The following METTL22 variants were observed in gnomAD, a reference collection of about 807,000 sequenced individuals.
METTL22 encodes the protein methyltransferase-like protein 22.
METTL22 carries 51 observed loss-of-function variants against 48.4 expected under a neutral mutation model. That is an observed-to-expected ratio of 1.05 (90% CI 0.84 to 1.33). The LOEUF (loss-of-function observed/expected upper bound fraction) is 1.33. Among genes scored for constraint, METTL22 ranks in the 40% most tolerant of loss-of-function variants. The pLI, the probability that METTL22 is intolerant of heterozygous loss-of-function variation, is 0.00. For synonymous variants in METTL22, 255 were observed against 214.1 expected, an observed-to-expected ratio of 1.19 and a Z score of -1.67; for missense variants, 678 against 526.9, an observed-to-expected ratio of 1.29 and a Z score of -2.81.
At chr16:8,650,742 A>G (rs557740277), downstream of METTL22, among the ~76,000 whole-genome samples, 5 of 152,328 alleles carry the variant, frequency 3.3e-5, no homozygotes, top group South Asian at 1.0e-3. Flanking sequence ...AATAAATGAA[A>G]AAAAGCCAGA....
At chr16:8,652,071 C>G (rs2141837506), downstream of METTL22, among the ~76,000 whole-genome samples, 1 of 152,334 alleles carries the variant, frequency 6.6e-6, no homozygotes, top group East Asian at 1.9e-4. Flanking sequence ...CTGATCCCAG[C>G]TCCACTCCAC....
At chr16:8,640,891 T>TGGGTGGGTGGGTG (rs2056583897) in intron 6 of METTL22, among the ~76,000 whole-genome samples, 2 of 49,940 alleles carry the variant, frequency 4.0e-5, no homozygotes, top group Non-Finnish European at 4.0e-5. Flanking sequence ...GGTGGGTGGG[T>TGGGTGGGTGGGTG]GAATGGATGG....
At chr16:8,664,461 A>ATT in the METTL22 span, among the ~76,000 whole-genome samples, 2 of 147,528 alleles carry the variant, frequency 1.4e-5, no homozygotes, top group African/African-American at 5.0e-5. Flanking sequence ...TTATTTATGT[A>ATT]TTTTTTTTTT....
the METTL22 span, among the ~76,000 whole-genome samples, chr16:8,656,142 A>G: frequency 6.6e-6 from 1 of 152,202 alleles, no homozygotes; most frequent in African/African-American, 2.4e-5. Flanking sequence ...ATTCACAGGC[A>G]TGAGCATAGT....
At chr16:8,632,931 C>T (rs2056310398) in intron 3 of METTL22, among the ~76,000 whole-genome samples, 1 of 152,152 alleles carries the variant, frequency 6.6e-6, no homozygotes, top group African/African-American at 2.4e-5. Context: ...TGACCAATCA[C>T]ATAGGACCAA....
chr16:8,624,959 GAA>G (rs2055994137), intron 1 of METTL22, among the ~76,000 whole-genome samples: 1 of 152,078 alleles, frequency 6.6e-6, no homozygotes, highest in Non-Finnish European at 1.5e-5. Context: ...GAATAAAAAA[GAA>G]AGAGTAAAGG....
intron 1 of METTL22, among the ~76,000 whole-genome samples, chr16:8,624,515 G>C (rs912417444): frequency 3.3e-5 from 5 of 152,060 alleles, no homozygotes; most frequent in African/African-American, 1.2e-4. Context: ...AAGTAGCTGG[G>C]ACTACCAGCG....
chr16:8,644,591 T>A lies in METTL22; in HGVS notation c.1045T>A (p.Cys349Ser). Reference sequence around the variant, plus strand: ...CACATTGAGACACTTGGACGTCACATGTGAAGCCTACGATCACTTCCGCTC... The same window carrying A: ...CACATTGAGACACTTGGACGTCACAAGTGAAGCCTACGATCACTTCCGCTC... ...NFTLRHLDVT[C>S]EAYDHFRSCL... Residue 349 changes from cysteine (C) to serine (S), a missense_variant, in exon 10 of 11, where the codon TGT becomes AGT. Coordinates refer to ENST00000381920, the MANE Select transcript of METTL22 (RefSeq NM_024109.4). 1 of 1,594,034 alleles carries A rather than the reference T, an allele frequency of 6.3e-7. No homozygotes were observed. The highest frequency in any genetic ancestry group is 2.3e-5 in the East Asian group (1 of 43,458).
the METTL22 span, among the ~76,000 whole-genome samples, chr16:8,663,383 C>T: frequency 6.6e-6 from 1 of 152,024 alleles, no homozygotes; most frequent in East Asian, 1.9e-4. Flanking sequence ...ACCACTTCGC[C>T]TAAGTGTTAC....
Position 8,639,099 on chromosome 16 carries a change from G to A in METTL22, c.709G>A (p.Ala237Thr). The stretch of plus-strand genomic sequence containing the variant: ...GCCCTCTGTCATTCCAGATGTCGGT[G>A]CAGATCTCTTGTCCATGTGCCAGCG... ...ARTVYCTDVG[A>T]DLLSMCQRNI... is the part of the protein sequence containing the mutation. Residue 237 changes from alanine (A) to threonine (T), a missense_variant, in exon 6 of 11, where the codon GCA (alanine) becomes ACA (threonine). Coordinates refer to ENST00000381920, the MANE Select transcript of METTL22 (RefSeq NM_024109.4). 1 of 1,614,080 alleles carries A rather than the reference G, an allele frequency of 6.2e-7. No individual in the cohort carries two copies. Among genetic ancestry groups the A allele is most frequent in the Admixed American group, 1.7e-5 (1 of 60,032 alleles).
chr16:8,629,171 A>G, intron 3 of METTL22, 61 bp downstream of exon 3: 1 of 1,565,840 alleles, frequency 6.4e-7, no homozygotes, highest in Non-Finnish European at 8.6e-7. Context: ...GTCACTGCTC[A>G]GGGCTCAGTA....
chr16:8,646,160 G>C lies in METTL22; in HGVS notation c.*17G>C. 6.2e-7 allele frequency: 1 copy of C among 1,614,066 alleles called. No homozygotes were observed. Among genetic ancestry groups the C allele is most frequent in the Non-Finnish European group, 8.5e-7 (1 of 1,179,926 alleles). On this transcript the variant is annotated 3_prime_UTR_variant, in exon 11 of 11. Coordinates refer to ENST00000381920, the MANE Select transcript of METTL22 (RefSeq NM_024109.4). Reference sequence around the variant, plus strand: ...GTAACATGACCCATCGCCTCCACAAGGCGCGGCGTCTCGACTGTTCTTAGA... The same window carrying C: ...GTAACATGACCCATCGCCTCCACAACGCGCGGCGTCTCGACTGTTCTTAGA...
chr16:8,629,245 C>A, intron 3 of METTL22, 135 bp downstream of exon 3: 10 of 1,162,038 alleles, frequency 8.6e-6, no homozygotes, highest in Non-Finnish European at 1.2e-5. Context: ...TCGGGTGAGA[C>A]TGGGGAAGCT....
At chr16:8,662,459 C>G in the METTL22 span, among the ~76,000 whole-genome samples, 1 of 144,316 alleles carries the variant, frequency 6.9e-6, no homozygotes, top group Non-Finnish European at 1.5e-5. Flanking sequence ...TGATGACAGT[C>G]TTATTCTGCC....
chr16:8,657,724 T>C, the METTL22 span, among the ~76,000 whole-genome samples: 1 of 152,150 alleles, frequency 6.6e-6, no homozygotes, highest in Admixed American at 6.5e-5. Flanking sequence ...AAGGGGTCTT[T>C]GCAGATCTAA....
At chr16:8,657,443 C>A in the METTL22 span, among the ~76,000 whole-genome samples, 412 of 152,266 alleles carry the variant, frequency 2.7e-3, no homozygotes, top group African/African-American at 9.4e-3. Context: ...CTGAAGTTTG[C>A]AAAACACCAA....
rs566515282 is a variant in METTL22 at position 8,648,262 on chromosome 16, GTT to G, written c.*2120_*2121del. On this transcript the variant is annotated 3_prime_UTR_variant, in exon 11 of 11. Coordinates refer to ENST00000381920, the MANE Select transcript of METTL22 (RefSeq NM_024109.4). ...AATCGCTTGAACCTGGGAGGCGAAG[GTT>G]GCAGTGAGCCAAGATCGCAACACTG... 2.7e-4 allele frequency: 41 copies of G among 152,650 alleles called. No homozygotes were observed. Among genetic ancestry groups the G allele is most frequent in the African/African-American group, 9.9e-4 (41 of 41,540 alleles). The allele number at this position is 152,650 out of a possible 1,614,324, so 9.5% of individuals were successfully genotyped here.
rs775162226 is a variant in METTL22 at position 8,639,182 on chromosome 16, C to A, written c.772+20C>A. 1 of 1,613,316 alleles carries A rather than the reference C, an allele frequency of 6.2e-7. No homozygotes were observed. The highest frequency in any genetic ancestry group is 8.5e-7 in the Non-Finnish European group (1 of 1,179,508). On this transcript the variant is annotated intron_variant, in intron 6 of 10. Coordinates refer to ENST00000381920, the MANE Select transcript of METTL22 (RefSeq NM_024109.4). Reference sequence around the variant, plus strand: ...CTGGAGGTGAGGCCCAGGGGGTCTTCTGCCAGGGAGGGAGGTTTCTCTGTT... The same window carrying A: ...CTGGAGGTGAGGCCCAGGGGGTCTTATGCCAGGGAGGGAGGTTTCTCTGTT...
chr16:8,660,736 C>G, the METTL22 span, among the ~76,000 whole-genome samples: 1 of 142,652 alleles, frequency 7.0e-6, no homozygotes, highest in African/African-American at 2.6e-5. Context: ...TGAGGGCGGT[C>G]GCTGCTTCAG....
Sources: allele counts gnomAD v4.1 joint callset (sites outside exome capture counted in the v4.1 genomes callset), GRCh38; gene constraint gnomAD v4.1.1; transcripts MANE v1.5; gene names NCBI Gene and HGNC (gene_info 2026-07-23, HGNC 2026-07-21).